The following ZNF236 variants were observed in gnomAD, a reference collection of about 807,000 sequenced individuals.
ZNF236 encodes regulated by glucose.
ZNF236 carries 50 observed loss-of-function variants against 191.2 expected under a neutral mutation model. The ratio of observed to expected loss-of-function variants is 0.26; its 90% confidence interval spans 0.21 to 0.33. The LOEUF (loss-of-function observed/expected upper bound fraction) is 0.33. Among genes scored for constraint, ZNF236 ranks in the 10% least tolerant of loss-of-function variants. The probability of loss-of-function intolerance (pLI) is 1.00; values close to 1 mark genes in which losing one functional copy is unlikely to be tolerated. For synonymous variants in ZNF236, 907 were observed against 928.8 expected, an observed-to-expected ratio of 0.98 and a Z score of 0.43; for missense variants, 1,754 against 2,374.5, an observed-to-expected ratio of 0.74 and a Z score of 5.43.
chr18:76,952,038 A>G (rs1408601105), intron 27 of ZNF236, among the ~76,000 whole-genome samples: 1 of 152,240 alleles, frequency 6.6e-6, no homozygotes, highest in Non-Finnish European at 1.5e-5. Flanking sequence ...AACATCAAAG[A>G]TCGCTAATCA....
At chr18:76,930,725 A>C (rs961276794) in intron 25 of ZNF236, among the ~76,000 whole-genome samples, 2 of 152,168 alleles carry the variant, frequency 1.3e-5, no homozygotes, top group Non-Finnish European at 2.9e-5. Flanking sequence ...TGCCCCTCAG[A>C]TCCTTTTAAC....
intron 20 of ZNF236, among the ~76,000 whole-genome samples, 196 bp from the exon 21 acceptor site, chr18:76,922,872 CTAT>C (rs1338359092): frequency 6.6e-6 from 1 of 152,102 alleles, no homozygotes; most frequent in African/African-American, 2.4e-5. Context: ...GAAATTATCT[CTAT>C]TATTATTTGT....
chr18:76,941,227 G>A (rs940019815), intron 26 of ZNF236, among the ~76,000 whole-genome samples: 1 of 152,190 alleles, frequency 6.6e-6, no homozygotes, highest in African/African-American at 2.4e-5. Flanking sequence ...TGAAGCTTTG[G>A]TGGCAGTGAT....
At position 76,851,951 on chromosome 18, in the gene ZNF236, C is replaced by T. The variant is rs1599331506; in HGVS notation, c.363+12C>T. The T allele has an allele frequency of 1.2e-6, 2 of 1,600,520 alleles. No homozygotes were observed. The highest frequency in any genetic ancestry group is 1.3e-5 in the African/African-American group (1 of 74,664). ...ATGAAAAGGAAGAGGTAATCATCATCATTTTGCATATACTTTGTTAACTGA... is the reference window on the plus strand; with the variant it reads ...ATGAAAAGGAAGAGGTAATCATCATTATTTTGCATATACTTTGTTAACTGA... On this transcript the variant is annotated intron_variant, in intron 3 of 30. Coordinates refer to ENST00000320610, the MANE Select transcript of ZNF236 (RefSeq NM_001306089.2).
intron 7 of ZNF236, 94 bp downstream of exon 7, chr18:76,878,246 G>T: frequency 7.9e-7 from 1 of 1,267,150 alleles, no homozygotes; most frequent in Non-Finnish European, 1.0e-6. Context: ...GCAAAAAGGT[G>T]CTATGAAAAT....
At chr18:76,881,646 T>C in intron 9 of ZNF236, 134 bp downstream of exon 9, 1 of 787,846 alleles carries the variant, frequency 1.3e-6, no homozygotes, top group Non-Finnish European at 2.0e-6. Context: ...CTGTAGTTGG[T>C]TGGTATTTAA....
Position 76,925,528 on chromosome 18 carries a change from A to G in ZNF236, c.4001A>G (p.Gln1334Arg). ...CTGCTGCAACCAGGACTGGTGGGCC[A>G]AGCTATTCTCCCTGCCTCTGTGTCA... is the stretch of plus-strand genomic sequence containing the variant. ...QNLLQPGLVG[Q>R]AILPASVSAG... The change falls in exon 22 of 31, where the codon CAA becomes CGA. Residue 1334 changes from glutamine (Q) to arginine (R), a missense_variant. This residue lies in a region of ZNF236 where 606 missense variants were observed against 761.5 expected (regional missense o/e 0.80). Coordinates refer to ENST00000320610, the MANE Select transcript of ZNF236 (RefSeq NM_001306089.2). This position sits in a 1 kb window ranked among gnomAD's most constrained non-coding sequence, Gnocchi z 5.7. 6.2e-7 allele frequency: 1 copy of G among 1,613,630 alleles called. No individual in the cohort carries two copies. Among genetic ancestry groups the G allele is most frequent in the Non-Finnish European group, 8.5e-7 (1 of 1,179,996 alleles).
At chr18:76,959,105 C>G (rs1444785497) in intron 28 of ZNF236, among the ~76,000 whole-genome samples, 3 of 152,278 alleles carry the variant, frequency 2.0e-5, no homozygotes, top group African/African-American at 7.2e-5. Context: ...TTGCCAATCA[C>G]AACAGGAGAA....
At chr18:76,933,447 G>A (rs1967911484) in intron 25 of ZNF236, among the ~76,000 whole-genome samples, 1 of 150,902 alleles carries the variant, frequency 6.6e-6, no homozygotes, top group Non-Finnish European at 1.5e-5. Context: ...CCTGGGTGAC[G>A]AGCAAAACTC....
Position 76,910,726 on chromosome 18 carries a change from C to A in ZNF236, c.2720C>A (p.Ser907Tyr). ...QFPPVQQLQD[S>Y]STLESQALST... ...CCACCTGTCCAACAGCTACAGGATT[C>A]CAGCACACTTGAGTCTCAGGCCCTC... Residue 907 changes from serine to tyrosine, a missense_variant, in exon 16 of 31, where the codon TCC becomes TAC. Transcript: ENST00000320610. The A allele has an allele frequency of 6.2e-7, 1 of 1,614,212 alleles. No homozygotes were observed. Among genetic ancestry groups the A allele is most frequent in the Non-Finnish European group, 8.5e-7 (1 of 1,180,040 alleles).
At chr18:76,876,640 C>CA (rs1478503335) in intron 6 of ZNF236, among the ~76,000 whole-genome samples, 1 of 152,142 alleles carries the variant, frequency 6.6e-6, no homozygotes, top group Non-Finnish European at 1.5e-5. Context: ...ATCTAAGACC[C>CA]AGAGACATTA....
chr18:76,879,172 A>C (rs1298788761), intron 7 of ZNF236, among the ~76,000 whole-genome samples: 3 of 152,224 alleles, frequency 2.0e-5, no homozygotes, highest in African/African-American at 7.2e-5. Context: ...GATGTAGTGA[A>C]TAATCTAGAA....
intron 27 of ZNF236, among the ~76,000 whole-genome samples, chr18:76,948,396 C>T (rs1204441199): frequency 6.6e-6 from 1 of 152,224 alleles, no homozygotes; most frequent in Non-Finnish European, 1.5e-5. Context: ...GTAACCAGAG[C>T]TGTCTCACTG....
At chr18:76,940,003 C>T (rs140213537) in intron 26 of ZNF236, among the ~76,000 whole-genome samples, 3,579 of 137,088 alleles carry the variant, frequency 0.026, 74 homozygotes, top group African/African-American at 0.092. Context: ...TACCCTAGCA[C>T]TGCATTTGGG....
intron 27 of ZNF236, 137 bp downstream of exon 27, chr18:76,947,789 G>A: frequency 9.8e-7 from 1 of 1,018,496 alleles, no homozygotes; most frequent in Non-Finnish European, 1.4e-6. Flanking sequence ...GTCCCCGGCT[G>A]AATCCTGAGT....
rs1242356072 is a variant in ZNF236, at chr18:76,908,519, GAGGAAGCAGGGCTGGGCCAGC to G, written c.2500_2520del (p.Glu834_Gln840del). ...GGAGCCTCAGCATGTGGTGGGCACG[GAGGAAGCAGGGCTGGGCCAGC>G]AGTTGGCAGATCAGCCCCTGGAAGC... On this transcript the variant is annotated inframe_deletion, in exon 14 of 31. Transcript: ENST00000320610. 1.9e-6 allele frequency: 3 copies of G among 1,613,668 alleles called. No homozygotes were observed. Among genetic ancestry groups the G allele is most frequent in the Non-Finnish European group, 2.5e-6 (3 of 1,179,984 alleles).
rs746296310 is a variant in ZNF236 at position 76,956,012 on chromosome 18, C to T, written c.4942C>T (p.Pro1648Ser). The T allele has an allele frequency of 3.1e-6, 5 of 1,610,320 alleles. No homozygotes were observed. The highest frequency in any genetic ancestry group is 1.7e-5 in the Admixed American group (1 of 59,836). Residue 1648 changes from proline (P) to serine (S), a missense_variant, in exon 28 of 31, where the codon CCG becomes TCG. This residue lies in a region of ZNF236 where 606 missense variants were observed against 761.5 expected (regional missense o/e 0.80). Transcript: ENST00000320610. ...QVAGVSGNLAPGNQPEKEGRA... is the reference protein window; with the variant it reads ...QVAGVSGNLASGNQPEKEGRA... Reference sequence around the variant, plus strand: ...AGCTGGCGTCTCTGGGAACCTGGCCCCGGGCAACCAGCCAGAGAAGGAGGG... The same window carrying T: ...AGCTGGCGTCTCTGGGAACCTGGCCTCGGGCAACCAGCCAGAGAAGGAGGG...
At chr18:76,937,786 A>G (rs1481958830) in intron 26 of ZNF236, among the ~76,000 whole-genome samples, 2 of 152,216 alleles carry the variant, frequency 1.3e-5, no homozygotes, top group African/African-American at 2.4e-5. Flanking sequence ...TGAGATTCTT[A>G]GATGAATTCC....
chr18:76,849,643 T>C lies in ZNF236; in HGVS notation c.173T>C (p.Met58Thr). The C allele has an allele frequency of 6.3e-7, 1 of 1,596,570 alleles. No homozygotes were observed. The highest frequency in any genetic ancestry group is 8.5e-7 in the Non-Finnish European group (1 of 1,174,486). Residue 58 changes from methionine (M) to threonine (T), a missense_variant, in exon 2 of 31, where the codon ATG becomes ACG. Around this residue, in one of 5 missense-constraint regions of ZNF236, gnomAD observed 336 missense variants for 495.1 expected, o/e 0.68. Transcript: ENST00000320610. ...FPKESQFQRH[M>T]RDHERNDKPH... ...AAAGAATCCCAGTTTCAACGCCACA[T>C]GAGGGATCACGAGCGAAATGACAAG...
Sources: allele counts gnomAD v4.1 joint callset (sites outside exome capture counted in the v4.1 genomes callset), GRCh38; gene constraint gnomAD v4.1.1; regional missense constraint gnomAD v4.1.1; non-coding constraint Gnocchi (gnomAD v3.1); transcripts MANE v1.5; gene names NCBI Gene and HGNC (gene_info 2026-07-23, HGNC 2026-07-21).